Variants in GSG1L observed in about 807,000 individuals in gnomAD.
The protein encoded by GSG1L is GSG1 like.
GSG1L carries 24 observed loss-of-function variants against 42.1 expected under a neutral mutation model. The observed-to-expected ratio is 0.57, with a 90% CI of 0.41 to 0.80. The LOEUF is 0.80. Ranked by LOEUF, GSG1L falls within the 30% of genes least tolerant of loss-of-function variation. GSG1L has a pLI of 0.00. For missense variants in GSG1L, 445 were observed against 472.2 expected, an observed-to-expected ratio of 0.94 and a Z score of 0.53; for synonymous variants, 215 against 203.5, an observed-to-expected ratio of 1.06 and a Z score of -0.48.
intron 2 of GSG1L, among the ~76,000 whole-genome samples, chr16:27,899,557 A>T (rs944932652): frequency 5.3e-5 from 8 of 152,140 alleles, no homozygotes; most frequent in Admixed American, 1.3e-4. Flanking sequence ...CCTCTACAAA[A>T]ATTTAAAAAA....
At chr16:27,877,715 C>G (rs1189689637) in intron 3 of GSG1L, among the ~76,000 whole-genome samples, 1 of 152,186 alleles carries the variant, frequency 6.6e-6, no homozygotes, top group Non-Finnish European at 1.5e-5. Context: ...AAACCCCAGC[C>G]CCTGGGCCCC....
chr16:27,829,106 G>C lies in GSG1L; in HGVS notation c.663-150C>G, dbSNP rs572121918. 1.7e-5 allele frequency: 12 copies of C among 694,160 alleles called. No individual in the cohort carries two copies. In the South Asian group the frequency reaches 2.3e-4, roughly 13 times the overall value. 43.0% of individuals were successfully genotyped at this position (694,160 alleles called of 1,614,324 possible). A position where few individuals can be genotyped will look rare whatever the true frequency, so the allele number is the denominator to read the frequency against. ...CTGCCACAGAGAAGGATAAGACTTGGTCCCTGCCCCACTCGCAGTCTGGGA... is the reference window on the plus strand; with the variant it reads ...CTGCCACAGAGAAGGATAAGACTTGCTCCCTGCCCCACTCGCAGTCTGGGA... On this transcript the variant is annotated intron_variant, in intron 4 of 6. Transcript: ENST00000447459.
chr16:27,964,270 G>C (rs1482679416), intron 1 of GSG1L, among the ~76,000 whole-genome samples: 1 of 150,532 alleles, frequency 6.6e-6, no homozygotes, highest in Non-Finnish European at 1.5e-5. Context: ...GCAGAGGTGA[G>C]CCAAGATCAC....
intron 1 of GSG1L, among the ~76,000 whole-genome samples, chr16:28,000,794 C>T (rs2141143764): frequency 6.6e-6 from 1 of 152,258 alleles, no homozygotes; most frequent in South Asian, 2.1e-4. Flanking sequence ...CCTCCTACAA[C>T]CTTCCCCCAA....
At position 27,807,562 on chromosome 16, in the gene GSG1L, GA is replaced by G. The variant is rs754096851; in HGVS notation, c.831-9del. The G allele has an allele frequency of 3.5e-5, 55 of 1,567,730 alleles. No homozygotes were observed. The highest frequency in any genetic ancestry group is 6.9e-5 in the South Asian group (6 of 87,014). ...CCGTCCCTCTTCTCCATCCTGGAAA[GA>G]AAAAAAAACAAAAACAAAATCCTAG... is the stretch of plus-strand genomic sequence containing the variant. On this transcript the variant is annotated splice_polypyrimidine_tract_variant and intron_variant, in intron 5 of 6. Coordinates refer to ENST00000447459, the MANE Select transcript of GSG1L (RefSeq NM_001109763.2).
At chr16:28,005,005 G>T (rs2085623127) in intron 1 of GSG1L, among the ~76,000 whole-genome samples, 3 of 152,154 alleles carry the variant, frequency 2.0e-5, no homozygotes, top group Admixed American at 2.0e-4. Flanking sequence ...TAGGTGGCCT[G>T]AACACCAGAC....
intron 1 of GSG1L, among the ~76,000 whole-genome samples, chr16:28,031,332 A>AGATGGGATGGGATTG (rs2085961357): frequency 1.2e-5 from 1 of 84,406 alleles, no homozygotes; most frequent in Non-Finnish European, 2.4e-5. Flanking sequence ...GGATGGGATG[A>AGATGGGATGGGATTG]GATGGGATGG....
chr16:27,898,297 G>A (rs919393943), intron 2 of GSG1L, among the ~76,000 whole-genome samples: 2 of 152,114 alleles, frequency 1.3e-5, no homozygotes, highest in African/African-American at 4.8e-5. Flanking sequence ...GGAACCTGGT[G>A]GGAAGAACTT....
intron 2 of GSG1L, among the ~76,000 whole-genome samples, chr16:27,893,863 C>T (rs910991527): frequency 6.6e-6 from 1 of 152,182 alleles, no homozygotes; most frequent in African/African-American, 2.4e-5. Flanking sequence ...AGCGATCCTC[C>T]CACTTCAGCC....
intron 1 of GSG1L, among the ~76,000 whole-genome samples, chr16:28,019,390 G>A (rs2085814465): frequency 6.6e-6 from 1 of 152,200 alleles, no homozygotes; most frequent in Admixed American, 6.5e-5. Context: ...AGATGCCATG[G>A]CAATGCCCGG....
chr16:28,062,199 G>C (rs978827538), intron 1 of GSG1L, among the ~76,000 whole-genome samples: 5 of 152,166 alleles, frequency 3.3e-5, no homozygotes, highest in Admixed American at 6.5e-5. Flanking sequence ...CCAGCTGTCC[G>C]GCAGCTGTCC....
At chr16:28,000,949 C>T (rs1258342019) in intron 1 of GSG1L, among the ~76,000 whole-genome samples, 1 of 152,246 alleles carries the variant, frequency 6.6e-6, no homozygotes, top group East Asian at 1.9e-4. Flanking sequence ...CATCTTCTAG[C>T]GTCAGCATCT....
chr16:27,839,381 C>CT (rs2083354517), intron 4 of GSG1L, among the ~76,000 whole-genome samples: 1 of 152,212 alleles, frequency 6.6e-6, no homozygotes, highest in Admixed American at 6.5e-5. Flanking sequence ...AGAGTGAATG[C>CT]TTGAGATAAG....
chr16:28,047,314 A>C (rs976523124), intron 1 of GSG1L, among the ~76,000 whole-genome samples: 16 of 152,218 alleles, frequency 1.1e-4, no homozygotes, highest in African/African-American at 3.6e-4. Context: ...CCAAGTATTA[A>C]AAACAGAATT....
chr16:27,820,639 C>T (rs949286264), intron 5 of GSG1L, among the ~76,000 whole-genome samples: 2 of 152,170 alleles, frequency 1.3e-5, no homozygotes, highest in Non-Finnish European at 2.9e-5. Flanking sequence ...TCCCTGTGCA[C>T]AAACCACTTT....
At chr16:27,950,789 G>A (rs550107739) in intron 2 of GSG1L, among the ~76,000 whole-genome samples, 10 of 152,038 alleles carry the variant, frequency 6.6e-5, no homozygotes, top group East Asian at 5.8e-4. Context: ...ACTCAGTGTC[G>A]CCTTTTGCAC....
chr16:28,028,187 C>A (rs1406792357), intron 1 of GSG1L, among the ~76,000 whole-genome samples: 1 of 152,150 alleles, frequency 6.6e-6, no homozygotes, highest in African/African-American at 2.4e-5. Context: ...AGCTACTGAA[C>A]TTCAAGATGC....
rs747610880 is a variant in GSG1L, at chr16:27,884,571, G to C, written c.465C>G (p.Leu155=). The C allele has an allele frequency of 6.2e-7, 1 of 1,613,352 alleles. No homozygotes were observed. The highest frequency in any genetic ancestry group is 1.1e-5 in the South Asian group (1 of 90,800). Residue 155 remains leucine, a synonymous_variant, in exon 3 of 7, where the codon CTC becomes CTG. Coordinates refer to ENST00000447459, the MANE Select transcript of GSG1L (RefSeq NM_001109763.2). This position sits in a 1 kb window ranked among gnomAD's most constrained non-coding sequence, Gnocchi z 4.4. The part of the protein sequence containing the change: ...YILLLVVGFS[L]MCLELFHSSN... ...TGGAGTGGAAGAGCTCGAGACACAT[G>C]AGGCTGAAGCCAACCACCAGCAGCA...
At chr16:27,829,046 C>T (rs1043005297) in intron 4 of GSG1L, 90 bp from the exon 5 acceptor site, 3 of 1,268,684 alleles carry the variant, frequency 2.4e-6, no homozygotes, top group Non-Finnish European at 1.1e-6. Context: ...TTCATCCCTG[C>T]ATGGCTGCCT....
Sources: allele counts gnomAD v4.1 joint callset (sites outside exome capture counted in the v4.1 genomes callset), GRCh38; gene constraint gnomAD v4.1.1; non-coding constraint Gnocchi (gnomAD v3.1); transcripts MANE v1.5; gene names NCBI Gene and HGNC (gene_info 2026-07-23, HGNC 2026-07-21).